RAB4A: variants seen among roughly 807,000 people sequenced by gnomAD.
RAB4A encodes the protein ras-related protein Rab-4A.
A neutral mutation model predicts 34.5 loss-of-function variants in RAB4A; 20 were observed. The observed-to-expected ratio is 0.58, with a 90% CI of 0.41 to 0.84. The LOEUF is 0.84. Among genes scored for constraint, RAB4A ranks in the 40% least tolerant of loss-of-function variants. The pLI is 0.00. For synonymous variants in RAB4A, 102 were observed against 100.0 expected (o/e 1.02, Z -0.12); for missense variants, 228 against 274.5 (o/e 0.83, Z 1.20).
chr1:229,279,175 A>G (rs998283514), intron 1 of RAB4A, among the ~76,000 whole-genome samples: 2 of 152,232 alleles, frequency 1.3e-5, no homozygotes, highest in African/African-American at 4.8e-5. Flanking sequence ...CTTTTCTGCC[A>G]GGAAGTAGGA....
intron 6 of RAB4A, among the ~76,000 whole-genome samples, chr1:229,302,299 ATATATATATATTTTTTT>A (rs1286563306): frequency 8.0e-5 from 3 of 37,618 alleles, no homozygotes; most frequent in Admixed American, 3.7e-4. Context: ...ATATATATAT[ATATATATATATTTTTTT>A]TTTTTTTTTA....
intron 1 of RAB4A, among the ~76,000 whole-genome samples, chr1:229,281,699 T>G (rs1656781388): frequency 1.3e-5 from 2 of 151,804 alleles, no homozygotes; most frequent in African/African-American, 4.8e-5. Flanking sequence ...CTGCCTTGAC[T>G]GGCCATTTTA....
chr1:229,285,709 C>G (rs527803947), intron 1 of RAB4A, among the ~76,000 whole-genome samples: 1 of 152,042 alleles, frequency 6.6e-6, no homozygotes, highest in African/African-American at 2.4e-5. Flanking sequence ...CTGGTACTCC[C>G]GAGCTCCTAA....
chr1:229,272,608 T>C (rs531364461), intron 1 of RAB4A, among the ~76,000 whole-genome samples: 1 of 152,206 alleles, frequency 6.6e-6, no homozygotes, highest in South Asian at 2.1e-4. Context: ...CAGGGAGGCA[T>C]TAACCAGGCA....
chr1:229,286,496 T>A lies in RAB4A; in HGVS notation c.42T>A (p.Phe14Leu). The change falls in exon 2 of 8, where the codon TTT (phenylalanine) becomes TTA (leucine). Residue 14 changes from phenylalanine (F) to leucine (L), a missense_variant. Physicochemically the swap from Phe to Leu is conservative, Grantham distance 22. Coordinates refer to ENST00000366690, the MANE Select transcript of RAB4A (RefSeq NM_004578.4). ...TAMSETYDFL[F>L]KFLVIGNAGT... ...CTTTTTATCTTTCAGATTTTTTGTT[T>A]AAGTTCTTGGTTATTGGAAATGCAG... 1 of 1,574,924 alleles carries A rather than the reference T, an allele frequency of 6.3e-7. No homozygotes were observed. The highest frequency in any genetic ancestry group is 8.6e-7 in the Non-Finnish European group (1 of 1,159,904).
intron 6 of RAB4A, among the ~76,000 whole-genome samples, chr1:229,301,927 T>G (rs1657394791): frequency 6.6e-6 from 1 of 152,022 alleles, no homozygotes; most frequent in Non-Finnish European, 1.5e-5. Context: ...ATGTGTAATA[T>G]GGGTTGAGTA....
Position 229,304,061 on chromosome 1 carries a change from T to G in RAB4A, c.*268T>G, listed in dbSNP as rs1251747424. ...CACTTTCGGTTTAAAACATGCTATA[T>G]GTACTGTATGTCCTGTAGCCCAGTG... On this transcript the variant is annotated 3_prime_UTR_variant, in exon 8 of 8. Coordinates refer to ENST00000366690, the MANE Select transcript of RAB4A (RefSeq NM_004578.4). 1 of 152,262 alleles carries G rather than the reference T, an allele frequency of 6.6e-6. No individual in the cohort carries two copies. The highest frequency in any genetic ancestry group is 1.9e-4 in the East Asian group (1 of 5,206). The allele number at this position is 152,262 out of a possible 1,614,324, so 9.4% of individuals were successfully genotyped here. A position where few individuals can be genotyped will look rare whatever the true frequency, so the allele number is the denominator to read the frequency against.
At chr1:229,282,590 T>C (rs541809803) in intron 1 of RAB4A, among the ~76,000 whole-genome samples, 16 of 152,336 alleles carry the variant, frequency 1.1e-4, no homozygotes, top group African/African-American at 3.8e-4. Context: ...TTTTTCATTG[T>C]CTGCAGGTCC....
At chr1:229,299,180 C>T (rs779391967) in intron 6 of RAB4A, 108 bp downstream of exon 6, 2 of 759,700 alleles carry the variant, frequency 2.6e-6, no homozygotes, top group Non-Finnish European at 4.1e-6. Context: ...AGAATGTTCT[C>T]TCTCTACCTG....
At chr1:229,302,274 TATATATATATATATA>T (rs1571837905) in intron 6 of RAB4A, among the ~76,000 whole-genome samples, 1 of 14,708 alleles carries the variant, frequency 6.8e-5, no homozygotes, top group African/African-American at 2.8e-4. Context: ...TATATATATA[TATATATATATATATA>T]TATATATATA....
chr1:229,277,076 T>TTA (rs1433563296), intron 1 of RAB4A, among the ~76,000 whole-genome samples: 4 of 146,894 alleles, frequency 2.7e-5, no homozygotes, highest in South Asian at 4.2e-4. Flanking sequence ...ATATAATTAT[T>TTA]TATATTTATA....
At chr1:229,277,662 G>A (rs1656684255) in intron 1 of RAB4A, among the ~76,000 whole-genome samples, 1 of 151,242 alleles carries the variant, frequency 6.6e-6, no homozygotes, top group Non-Finnish European at 1.5e-5. Flanking sequence ...CTAGGTCACT[G>A]CATTGTCCTT....
intron 3 of RAB4A, among the ~76,000 whole-genome samples, chr1:229,289,837 AAGTTC>A (rs1657021592): frequency 6.6e-6 from 1 of 152,198 alleles, no homozygotes; most frequent in African/African-American, 2.4e-5. Context: ...TAAGTAATTG[AAGTTC>A]AATAATTGCT....
rs201124992 is a variant in RAB4A at position 229,292,243 on chromosome 1, AAAAAG to A, written c.227+3405_227+3409del. Among the ~76,000 whole-genome samples the A allele has an allele frequency of 2.2e-3, 336 of 151,880 alleles. 3 individuals are homozygous for A. The highest frequency in any genetic ancestry group is 7.9e-3 in the African/African-American group (325 of 41,192). Reference sequence around the variant, plus strand: ...AATAATAAATAAATAAAAGGAAAAAAAAAAGAAAATTTAACACCTCAAAGTAGTAT... The same window carrying A: ...AATAATAAATAAATAAAAGGAAAAAAAAAATTTAACACCTCAAAGTAGTAT... On this transcript the variant is annotated intron_variant, in intron 3 of 7. Transcript: ENST00000366690.
chr1:229,295,923 C>A lies in RAB4A; in HGVS notation c.290+13C>A, dbSNP rs79172089. On this transcript the variant is annotated intron_variant, in intron 4 of 7. Coordinates refer to ENST00000366690, the MANE Select transcript of RAB4A (RefSeq NM_004578.4). ...ATGATATCACCAGGTAATGCCAGCT[C>A]CCCCTGGTGAAGGAGGGTGCTCAGT... is the stretch of plus-strand genomic sequence containing the variant. 1.9e-6 allele frequency: 3 copies of A among 1,613,528 alleles called. No homozygotes were observed. Among genetic ancestry groups the A allele is most frequent in the Non-Finnish European group, 2.5e-6 (3 of 1,179,564 alleles).
chr1:229,279,216 A>G (rs149386393), intron 1 of RAB4A, among the ~76,000 whole-genome samples: 2,838 of 152,346 alleles, frequency 0.019, 39 homozygotes, highest in Non-Finnish European at 0.03. Flanking sequence ...GTCAGAGGCC[A>G]TACATCCGTG....
chr1:229,298,316 C>T (rs115147620), intron 5 of RAB4A, among the ~76,000 whole-genome samples: 6 of 152,132 alleles, frequency 3.9e-5, no homozygotes, highest in Non-Finnish European at 5.9e-5. Flanking sequence ...ATCCATATGC[C>T]ATCATGACAG....
chr1:229,302,295 A>T (rs1558242385), intron 6 of RAB4A, among the ~76,000 whole-genome samples: 484 of 25,178 alleles, frequency 0.019, 37 homozygotes, highest in African/African-American at 0.066. Flanking sequence ...ATATATATAT[A>T]TATATATATA....
In RAB4A at chr1:229,288,726, T is replaced by G; in HGVS notation, c.113-3T>G. 7.0e-7 allele frequency: 1 copy of G among 1,434,396 alleles called. No individual in the cohort carries two copies. Among genetic ancestry groups the G allele is most frequent in the Non-Finnish European group, 9.7e-7 (1 of 1,032,806 alleles). 88.9% of individuals were successfully genotyped at this position (1,434,396 alleles called of 1,614,324 possible). On this transcript the variant is annotated splice_polypyrimidine_tract_variant and splice_region_variant and intron_variant, in intron 2 of 7. Coordinates refer to ENST00000366690, the MANE Select transcript of RAB4A (RefSeq NM_004578.4). Reference sequence around the variant, plus strand: ...ATATGCTGTTCTTGTTTTTCTTTTTTAGTCAAAGATGACTCAAATCATACA... The same window carrying G: ...ATATGCTGTTCTTGTTTTTCTTTTTGAGTCAAAGATGACTCAAATCATACA...
Sources: gnomAD v4.1 joint callset for allele counts (sites outside exome capture counted in the v4.1 genomes callset) on GRCh38, gnomAD v4.1.1 for gene constraint, MANE v1.5 for transcripts, NCBI Gene and HGNC (gene_info 2026-07-23, HGNC 2026-07-21) for gene names.